The following NAA15 variants were observed in gnomAD, a reference collection of about 807,000 sequenced individuals.
NAA15 encodes N-alpha-acetyltransferase 15, NatA auxiliary subunit, also known as N-terminal acetyltransferase.
NAA15 carries 34 observed loss-of-function variants against 114.0 expected under a neutral mutation model. That is an observed-to-expected ratio of 0.30 (90% CI 0.23 to 0.40). The LOEUF is 0.40. Among genes scored for constraint, NAA15 ranks in the 10% least tolerant of loss-of-function variants. The probability of loss-of-function intolerance (pLI) is 1.00; values close to 1 mark genes in which losing one functional copy is unlikely to be tolerated. For missense variants in NAA15, 658 were observed against 1,004.5 expected (o/e 0.66, Z 4.66); for synonymous variants, 340 against 338.0 (o/e 1.01, Z -0.06).
chr4:139,374,266 C>G (rs2110985561), intron 15 of NAA15, among the ~76,000 whole-genome samples: 1 of 152,306 alleles, frequency 6.6e-6, no homozygotes, highest in East Asian at 1.9e-4. Flanking sequence ...GCAGTGCAGT[C>G]TCATCCTACA....
chr4:139,349,894 G>A (rs1579114114), intron 7 of NAA15, among the ~76,000 whole-genome samples: 1 of 151,972 alleles, frequency 6.6e-6, no homozygotes, highest in Non-Finnish European at 1.5e-5. Flanking sequence ...GCTGAGGCAC[G>A]AGAATTGCTT....
intron 14 of NAA15, among the ~76,000 whole-genome samples, chr4:139,365,181 G>A (rs2110966779): frequency 6.6e-6 from 1 of 152,228 alleles, no homozygotes; most frequent in African/African-American, 2.4e-5. Flanking sequence ...GGGATTACAG[G>A]CGCCTGCCAC....
At position 139,357,633 on chromosome 4, in the gene NAA15, A is replaced by G; in HGVS notation, c.1257+78A>G. On this transcript the variant is annotated intron_variant, in intron 11 of 19. Coordinates refer to ENST00000296543, the MANE Select transcript of NAA15 (RefSeq NM_057175.5). Reference sequence around the variant, plus strand: ...TTTTTCTCTGTATTTTATAGATTCTAAATATAGGAAAAGTGACATTTGATA... The same window carrying G: ...TTTTTCTCTGTATTTTATAGATTCTGAATATAGGAAAAGTGACATTTGATA... 3 of 913,850 alleles carry G rather than the reference A, an allele frequency of 3.3e-6. No individual in the cohort carries two copies. In the South Asian group the frequency reaches 5.3e-5, roughly 16 times the overall value. 56.6% of individuals were successfully genotyped at this position (913,850 alleles called of 1,614,324 possible).
chr4:139,332,762 A>G (rs1747064324), intron 1 of NAA15, among the ~76,000 whole-genome samples: 3 of 151,054 alleles, frequency 2.0e-5, no homozygotes, highest in Admixed American at 1.3e-4. Context: ...TTGTATTTTT[A>G]GTGGAGACAG....
chr4:139,332,492 A>T (rs947119202), intron 1 of NAA15, among the ~76,000 whole-genome samples: 1 of 151,140 alleles, frequency 6.6e-6, no homozygotes, highest in Admixed American at 6.6e-5. Context: ...GGAAGAATAC[A>T]TGGACACAAA....
chr4:139,318,152 C>T (rs1051513342), intron 1 of NAA15, among the ~76,000 whole-genome samples: 4 of 152,144 alleles, frequency 2.6e-5, no homozygotes, highest in African/African-American at 9.7e-5. Flanking sequence ...GCTTGTACTC[C>T]ACAAAAATAT....
chr4:139,343,265 A>G (rs1056051188), intron 5 of NAA15, among the ~76,000 whole-genome samples: 7 of 152,188 alleles, frequency 4.6e-5, no homozygotes, highest in Admixed American at 2.6e-4. Flanking sequence ...TTCTAAAAAT[A>G]ACTGTATAGT....
chr4:139,351,835 A>G (rs1176366427), intron 9 of NAA15, among the ~76,000 whole-genome samples: 2 of 151,950 alleles, frequency 1.3e-5, no homozygotes, highest in African/African-American at 4.8e-5. Context: ...CCTTTCTGCT[A>G]TAAACTTTTA....
chr4:139,321,095 TTC>T (rs1746582809), intron 1 of NAA15, among the ~76,000 whole-genome samples: 1 of 152,158 alleles, frequency 6.6e-6, no homozygotes, highest in Non-Finnish European at 1.5e-5. Context: ...CACAAATTTC[TTC>T]TGTTTTTCTT....
At chr4:139,309,677 C>T (rs1469993852) in intron 1 of NAA15, among the ~76,000 whole-genome samples, 1 of 152,056 alleles carries the variant, frequency 6.6e-6, no homozygotes, top group African/African-American at 2.4e-5. Flanking sequence ...TTTTAAAATT[C>T]TGTATTGTGT....
chr4:139,312,396 C>T (rs1746252989), intron 1 of NAA15, among the ~76,000 whole-genome samples: 1 of 151,888 alleles, frequency 6.6e-6, no homozygotes. Context: ...TTTTATGATA[C>T]ATGCTGTACA....
chr4:139,311,576 G>A (rs1172283995), intron 1 of NAA15, among the ~76,000 whole-genome samples: 1 of 151,902 alleles, frequency 6.6e-6, no homozygotes. Flanking sequence ...AGCATAATAA[G>A]AGGAAAATTT....
At chr4:139,332,048 T>C (rs6853235) in intron 1 of NAA15, among the ~76,000 whole-genome samples, 33,751 of 152,002 alleles carry the variant, frequency 0.22, 4,128 homozygotes, top group South Asian at 0.39. Context: ...ACCTATTCCA[T>C]AGTAGCTTTT....
intron 10 of NAA15, among the ~76,000 whole-genome samples, chr4:139,354,857 A>G (rs1273101596): frequency 6.6e-6 from 1 of 152,086 alleles, no homozygotes; most frequent in Admixed American, 6.6e-5. Flanking sequence ...ATAACCTAAT[A>G]CCATTCTCAT....
At chr4:139,318,899 A>G (rs945342116) in intron 1 of NAA15, among the ~76,000 whole-genome samples, 2 of 152,218 alleles carry the variant, frequency 1.3e-5, no homozygotes, top group African/African-American at 4.8e-5. Context: ...CTAAAAGAAC[A>G]AAGCTGTTTA....
At chr4:139,338,260 T>G (rs1030531810) in intron 3 of NAA15, among the ~76,000 whole-genome samples, 6 of 152,242 alleles carry the variant, frequency 3.9e-5, no homozygotes, top group African/African-American at 1.2e-4. Context: ...TTTCCTAGTT[T>G]ATAAAACCAT....
At chr4:139,327,995 T>C (rs1746858893) in intron 1 of NAA15, among the ~76,000 whole-genome samples, 1 of 152,180 alleles carries the variant, frequency 6.6e-6, no homozygotes, top group South Asian at 2.1e-4. Context: ...TGCAGTGTTT[T>C]TAGATGTTTT....
intron 1 of NAA15, among the ~76,000 whole-genome samples, chr4:139,315,648 C>T (rs942106497): frequency 4.6e-5 from 7 of 151,810 alleles, no homozygotes; most frequent in Admixed American, 3.9e-4. Context: ...TGGTAAAGCA[C>T]GTGTATTATT....
intron 7 of NAA15, among the ~76,000 whole-genome samples, chr4:139,350,036 T>C (rs1747728689): frequency 6.6e-6 from 1 of 152,056 alleles, no homozygotes; most frequent in Non-Finnish European, 1.5e-5. Flanking sequence ...CTATTTAATA[T>C]GACAGATTGA....
Sources: gnomAD v4.1 joint callset for allele counts (sites outside exome capture counted in the v4.1 genomes callset) on GRCh38, gnomAD v4.1.1 for gene constraint, MANE v1.5 for transcripts, NCBI Gene and HGNC (gene_info 2026-07-23, HGNC 2026-07-21) for gene names.